Variants in ANXA4 observed in about 807,000 individuals in gnomAD.
The protein encoded by ANXA4 is 35-beta calcimedin.
ANXA4 carries 39 observed loss-of-function variants against 49.8 expected under a neutral mutation model. That is an observed-to-expected ratio of 0.78 (90% confidence interval 0.61 to 1.02). The LOEUF (loss-of-function observed/expected upper bound fraction) is 1.02, where lower values mean the gene tolerates loss of function less well. ANXA4 is among the 50% of genes least tolerant of loss of function. The pLI, the probability that ANXA4 is intolerant of heterozygous loss-of-function variation, is 0.00. For missense variants in ANXA4, 360 were observed against 410.1 expected, an observed-to-expected ratio of 0.88 and a Z score of 1.05; for synonymous variants, 134 against 152.5, an observed-to-expected ratio of 0.88 and a Z score of 0.89.
chr2:69,743,519 C>G (rs529933197), intron 1 of ANXA4, among the ~76,000 whole-genome samples: 1 of 152,218 alleles, frequency 6.6e-6, no homozygotes, highest in African/African-American at 2.4e-5. Context: ...TGCCCAGCGG[C>G]CAAACCCTAG....
At position 69,798,880 on chromosome 2, in the gene ANXA4, G is replaced by A. The variant is rs191495980; in HGVS notation, c.98-5653G>A. 3.3e-5 allele frequency among the ~76,000 whole-genome samples: 5 copies of A among 152,288 alleles called. No homozygotes were observed. The East Asian group carries it at 7.7e-4, about 24-fold the overall frequency. On this transcript the variant is annotated intron_variant, in intron 3 of 12. Coordinates refer to ENST00000394295, the MANE Select transcript of ANXA4 (RefSeq NM_001153.5). ...TGAATACTGAGGTTCTTGGTCACAC[G>A]ACCAGATATTGAGGTCAAGGACATG...
At chr2:69,813,142 G>A (rs751951187) in intron 8 of ANXA4, among the ~76,000 whole-genome samples, 13 of 152,138 alleles carry the variant, frequency 8.5e-5, no homozygotes, top group Non-Finnish European at 1.8e-4. Flanking sequence ...GCCCAGTGAT[G>A]GTTGTCCTGG....
At chr2:69,683,289 CTG>C (rs2105360739) in intron 2 of ANXA4, among the ~76,000 whole-genome samples, 1 of 152,314 alleles carries the variant, frequency 6.6e-6, no homozygotes, top group Non-Finnish European at 1.5e-5. Context: ...CTGCATAACT[CTG>C]GATGATGTCA....
At chr2:69,646,076 C>T (rs1251409118) in intron 1 of ANXA4, among the ~76,000 whole-genome samples, 1 of 152,142 alleles carries the variant, frequency 6.6e-6, no homozygotes, top group East Asian at 1.9e-4. Flanking sequence ...TAGAAACCCA[C>T]GCACAAGCAG....
chr2:69,775,746 T>G (rs1303186255), intron 1 of ANXA4, among the ~76,000 whole-genome samples: 1 of 152,132 alleles, frequency 6.6e-6, no homozygotes, highest in Non-Finnish European at 1.5e-5. Context: ...CCCCATGCAT[T>G]TTTAGCCTTA....
intron 4 of ANXA4, 139 bp from the exon 5 acceptor site, chr2:69,806,246 G>C: frequency 1.6e-6 from 1 of 617,346 alleles, no homozygotes; most frequent in Non-Finnish European, 2.9e-6. Flanking sequence ...TAACATCTGA[G>C]TGTTATTCTG....
intron 2 of ANXA4, among the ~76,000 whole-genome samples, chr2:69,669,422 C>T (rs1442111511): frequency 1.3e-5 from 2 of 151,568 alleles, no homozygotes; most frequent in East Asian, 4.0e-4. Context: ...CCAGCCTGGC[C>T]AACATGATGA....
At chr2:69,665,192 C>T (rs185680113) in intron 2 of ANXA4, among the ~76,000 whole-genome samples, 98 of 152,272 alleles carry the variant, frequency 6.4e-4, no homozygotes, top group South Asian at 4.4e-3. Flanking sequence ...CTCTCTTGCT[C>T]GTAATATGTG....
Position 69,826,915 on chromosome 2 carries a change from AGG to A in ANXA4, c.*1401_*1402del. 6.7e-6 allele frequency: 1 copy of A among 148,838 alleles called. No individual in the cohort carries two copies. The highest frequency in any genetic ancestry group is 1.5e-5 in the Non-Finnish European group (1 of 68,014). The allele number at this position is 148,838 out of a possible 1,614,324, so 9.2% of individuals were successfully genotyped here. ...AGGACTTGTGTTACTCAGTTTCTAC[AGG>A]AATTACAAGATAAGAAAAAAAAAAT... On this transcript the variant is annotated 3_prime_UTR_variant, in exon 13 of 13. Coordinates refer to ENST00000394295, the MANE Select transcript of ANXA4 (RefSeq NM_001153.5).
Position 69,804,502 on chromosome 2 carries a change from C to T in ANXA4, c.98-31C>T, listed in dbSNP as rs749208873. 144 of 1,585,648 alleles carry T rather than the reference C, an allele frequency of 9.1e-5. 1 individual carries two copies. The highest frequency in any genetic ancestry group is 1.7e-4 in the Middle Eastern group (1 of 6,038). ...GCTTTCTCATTCCTCTCTCAAATCA[C>T]ACTTACCTGCTGTCTCCCTTCTTCC... On this transcript the variant is annotated intron_variant, in intron 3 of 12. Transcript: ENST00000394295.
At position 69,781,562 on chromosome 2, in the gene ANXA4, A is replaced by T. The variant is rs1391064911; in HGVS notation, c.-4A>T. 6.2e-7 allele frequency: 1 copy of T among 1,614,028 alleles called. No individual in the cohort carries two copies. The highest frequency in any genetic ancestry group is 1.7e-5 in the Admixed American group (1 of 59,998). On this transcript the variant is annotated 5_prime_UTR_variant, in exon 2 of 13. Coordinates refer to ENST00000394295, the MANE Select transcript of ANXA4 (RefSeq NM_001153.5). ...TGGCTGAACTCTGATCTTGACCTAG[A>T]GTCATGGCCATGGTAAGTTGTGAAA...
chr2:69,784,855 T>C (rs1241715643), intron 2 of ANXA4, among the ~76,000 whole-genome samples: 2 of 152,192 alleles, frequency 1.3e-5, no homozygotes, highest in Admixed American at 1.3e-4. Context: ...CATACGGTGC[T>C]CACCCCTTGT....
At chr2:69,753,475 C>G (rs1670932866) in intron 1 of ANXA4, among the ~76,000 whole-genome samples, 1 of 152,170 alleles carries the variant, frequency 6.6e-6, no homozygotes, top group Non-Finnish European at 1.5e-5. Flanking sequence ...TGAGAACTTT[C>G]CTCAGGTAAC....
chr2:69,742,592 T>G lies in ANXA4; in HGVS notation c.-47+417T>G, dbSNP rs773753807. Among the ~76,000 whole-genome samples, 63 of 152,346 alleles carry G rather than the reference T, an allele frequency of 4.1e-4. 1 individual carries two copies. The highest frequency in any genetic ancestry group is 6.6e-4 in the Non-Finnish European group (45 of 68,032). On this transcript the variant is annotated intron_variant, in intron 1 of 12. Transcript: ENST00000394295. ...TAATTCTTTACTCCATTTAAGAAAC[T>G]TACTCCTTTCTCCTAGATCCTTACC... is the stretch of plus-strand genomic sequence containing the variant.
chr2:69,673,357 G>T (rs1677263733), intron 2 of ANXA4, among the ~76,000 whole-genome samples: 1 of 152,072 alleles, frequency 6.6e-6, no homozygotes, highest in South Asian at 2.1e-4. Flanking sequence ...CCTTTACAGG[G>T]ACATGGATGA....
intron 3 of ANXA4, among the ~76,000 whole-genome samples, chr2:69,791,556 A>T (rs1381014335): frequency 6.6e-6 from 1 of 152,266 alleles, no homozygotes; most frequent in East Asian, 1.9e-4. Context: ...CTAGCTTAAG[A>T]CAAGTTTTTT....
rs879485924 is a variant in ANXA4, at chr2:69,783,227, AT to A, written c.9+1661del. 2.7e-3 allele frequency among the ~76,000 whole-genome samples: 413 copies of A among 151,374 alleles called. 7 individuals carry two copies. The highest frequency in any genetic ancestry group is 5.1e-3 in the Admixed American group (78 of 15,186). ...TTCTTCTTAATTTATTTTTATTTTT[AT>A]TTTTTTTGAGACAGAGTCTCAATCT... is the stretch of plus-strand genomic sequence containing the variant. On this transcript the variant is annotated intron_variant, in intron 2 of 12. Coordinates refer to ENST00000394295, the MANE Select transcript of ANXA4 (RefSeq NM_001153.5).
At chr2:69,695,709 T>C (rs1162326974) in intron 2 of ANXA4, among the ~76,000 whole-genome samples, 2 of 152,126 alleles carry the variant, frequency 1.3e-5, no homozygotes, top group African/African-American at 2.4e-5. Context: ...ACCTCTGAGA[T>C]ACAGGCATAC....
intron 1 of ANXA4, among the ~76,000 whole-genome samples, chr2:69,765,970 A>G (rs1432499807): frequency 6.6e-6 from 1 of 152,242 alleles, no homozygotes; most frequent in East Asian, 1.9e-4. Flanking sequence ...CAGGCCCGCT[A>G]TGTGCAAGGC....
Sources: gnomAD v4.1 joint callset for allele counts (sites outside exome capture counted in the v4.1 genomes callset) on GRCh38, gnomAD v4.1.1 for gene constraint, MANE v1.5 for transcripts, NCBI Gene and HGNC (gene_info 2026-07-23, HGNC 2026-07-21) for gene names.